MAF: variants seen among roughly 807,000 people sequenced by gnomAD.
The protein encoded by MAF is MAF bZIP transcription factor.
Under a neutral mutation model 22.0 loss-of-function variants are expected in MAF, and 10 were observed. That is an observed-to-expected ratio of 0.45 (90% CI 0.28 to 0.77). The LOEUF is 0.77. Ranked by LOEUF, MAF falls within the 30% of genes least tolerant of loss-of-function variation. The probability of loss-of-function intolerance (pLI) is 0.12; values close to 1 mark genes in which losing one functional copy is unlikely to be tolerated. For synonymous variants in MAF, 337 were observed against 255.8 expected, an observed-to-expected ratio of 1.32 and a Z score of -3.03; for missense variants, 544 against 548.4, an observed-to-expected ratio of 0.99 and a Z score of 0.08.
At chr16:79,204,789 T>C in the MAF span, 1 of 152,170 alleles carries the variant, frequency 6.6e-6, no homozygotes, top group African/African-American at 2.4e-5. Flanking sequence ...CCTATTTTTC[T>C]CTAAAACTTA....
the MAF span, among the ~76,000 whole-genome samples, chr16:79,483,403 C>T: frequency 6.7e-6 from 1 of 149,430 alleles, no homozygotes; most frequent in African/African-American, 2.5e-5. Flanking sequence ...GGAAAGAAAA[C>T]AGAGGAAGGA....
the MAF span, among the ~76,000 whole-genome samples, chr16:79,335,357 C>T: frequency 6.6e-6 from 1 of 152,116 alleles, no homozygotes; most frequent in Non-Finnish European, 1.5e-5. Context: ...CTATGGCCGA[C>T]CAGCCTGCAG....
the MAF span, among the ~76,000 whole-genome samples, chr16:79,380,035 T>G: frequency 6.6e-6 from 1 of 152,312 alleles, no homozygotes; most frequent in Admixed American, 6.5e-5. Context: ...GCACACTCCC[T>G]TCTCAGGCAA....
Position 79,593,918 on chromosome 16 carries a change from C to G in MAF, c.*542G>C, listed in dbSNP as rs1913338744. On this transcript the variant is annotated 3_prime_UTR_variant, in exon 2 of 2. Transcript: ENST00000326043. ...TGACAAATGAGCACGTTTGACATCA[C>G]TGATAAATGCAACACCGTCTAGGGC... The G allele has an allele frequency of 5.1e-6, 1 of 197,124 alleles. No individual in the cohort carries two copies. Among genetic ancestry groups the G allele is most frequent in the Non-Finnish European group, 1.0e-5 (1 of 95,290 alleles). The allele number at this position is 197,124 out of a possible 1,614,324, so 12.2% of individuals were successfully genotyped here.
chr16:79,206,046 A>G, the MAF span: 1 of 152,128 alleles, frequency 6.6e-6, no homozygotes, highest in African/African-American at 2.4e-5. Flanking sequence ...TTGCTGTTGG[A>G]TCATCGAAGG....
chr16:79,290,229 G>C, the MAF span, among the ~76,000 whole-genome samples: 2 of 152,160 alleles, frequency 1.3e-5, no homozygotes, highest in African/African-American at 4.8e-5. Flanking sequence ...TAAAAGAGTT[G>C]TCTCCTGGGA....
the MAF span, among the ~76,000 whole-genome samples, chr16:79,460,277 A>G: frequency 6.6e-6 from 1 of 152,202 alleles, no homozygotes; most frequent in African/African-American, 2.4e-5. Context: ...GCTTAGAAAG[A>G]TCCTCTACTG....
At chr16:79,564,941 T>A in the MAF span, among the ~76,000 whole-genome samples, 6 of 152,200 alleles carry the variant, frequency 3.9e-5, no homozygotes, top group African/African-American at 1.4e-4. Context: ...TTGGGTGGGC[T>A]GGTGTAAAAA....
the MAF span, among the ~76,000 whole-genome samples, chr16:79,241,570 G>A: frequency 1.4e-4 from 22 of 152,040 alleles, 1 homozygote; most frequent in Non-Finnish European, 1.5e-5. Flanking sequence ...CATTTGATTG[G>A]TGTACCTGAA....
At chr16:79,521,402 C>T in the MAF span, among the ~76,000 whole-genome samples, 1 of 152,154 alleles carries the variant, frequency 6.6e-6, no homozygotes, top group Non-Finnish European at 1.5e-5. Flanking sequence ...AAAGATCTCT[C>T]AAATGCAGAT....
the MAF span, among the ~76,000 whole-genome samples, chr16:79,271,368 C>G: frequency 2.0e-5 from 3 of 152,246 alleles, no homozygotes; most frequent in South Asian, 6.2e-4. Flanking sequence ...TGTAAATACC[C>G]TTAAATCTCA....
the MAF span, among the ~76,000 whole-genome samples, chr16:79,328,589 G>A: frequency 6.6e-6 from 1 of 152,168 alleles, no homozygotes; most frequent in African/African-American, 2.4e-5. Context: ...AAAATCCCTC[G>A]AGCCGAGCTG....
At chr16:79,237,707 C>A in the MAF span, among the ~76,000 whole-genome samples, 1 of 152,126 alleles carries the variant, frequency 6.6e-6, no homozygotes, top group Non-Finnish European at 1.5e-5. Flanking sequence ...GGGGCTGGAT[C>A]ACTCTTTGCT....
the MAF span, among the ~76,000 whole-genome samples, chr16:79,386,886 G>A: frequency 2.6e-5 from 4 of 152,164 alleles, no homozygotes; most frequent in Non-Finnish European, 5.9e-5. Context: ...AAACCTCATT[G>A]TATTGAAGAG....
chr16:79,405,571 G>A, the MAF span, among the ~76,000 whole-genome samples: 191 of 152,234 alleles, frequency 1.3e-3, no homozygotes, highest in Admixed American at 2.2e-3. Flanking sequence ...GACCCACACC[G>A]TTTATCCCTT....
At chr16:79,229,610 G>C in the MAF span, among the ~76,000 whole-genome samples, 1 of 152,040 alleles carries the variant, frequency 6.6e-6, no homozygotes, top group Non-Finnish European at 1.5e-5. Flanking sequence ...TCCATCTGTG[G>C]ACAGGGGCGT....
chr16:79,362,178 T>G, the MAF span, among the ~76,000 whole-genome samples: 1 of 152,198 alleles, frequency 6.6e-6, no homozygotes, highest in Non-Finnish European at 1.5e-5. Context: ...GAGAATTAAG[T>G]TAGTTAATCC....
the MAF span, among the ~76,000 whole-genome samples, chr16:79,557,577 A>G: frequency 1.3e-5 from 2 of 152,086 alleles, no homozygotes; most frequent in African/African-American, 4.8e-5. Flanking sequence ...ACAGCCCTAA[A>G]GACTCAGCTT....
the MAF span, among the ~76,000 whole-genome samples, chr16:79,560,836 G>A: frequency 2.0e-5 from 3 of 152,186 alleles, no homozygotes; most frequent in African/African-American, 4.8e-5. Context: ...TGTGAAGGAC[G>A]CCCTTCAGTG....
Sources: allele counts gnomAD v4.1 joint callset (sites outside exome capture counted in the v4.1 genomes callset), GRCh38; gene constraint gnomAD v4.1.1; transcripts MANE v1.5; gene names NCBI Gene and HGNC (gene_info 2026-07-23, HGNC 2026-07-21).